Variants in OR2L13 observed in about 807,000 individuals in gnomAD.
The protein encoded by OR2L13 is olfactory receptor family 2 subfamily L member 13.
In OR2L13, 14 loss-of-function variants were observed where a neutral mutation model predicts 15.3. That is an observed-to-expected ratio of 0.91 (90% confidence interval 0.60 to 1.43). OR2L13 has a LOEUF of 1.43. Among genes scored for constraint, OR2L13 ranks in the 40% most tolerant of loss-of-function variants. The probability of loss-of-function intolerance (pLI) is 0.00; values close to 1 mark genes in which losing one functional copy is unlikely to be tolerated. For synonymous variants in OR2L13, 152 were observed against 142.9 expected (o/e 1.06, Z -0.45); for missense variants, 367 against 387.9 (o/e 0.95, Z 0.45).
chr1:248,026,548 A>G, the OR2L13 span, among the ~76,000 whole-genome samples: 1 of 152,214 alleles, frequency 6.6e-6, no homozygotes, highest in Non-Finnish European at 1.5e-5. Context: ...TTTCAGACAC[A>G]AAAAGAAAAA....
chr1:248,010,771 T>G, the OR2L13 span, among the ~76,000 whole-genome samples: 2 of 135,208 alleles, frequency 1.5e-5, no homozygotes, highest in African/African-American at 5.5e-5. Flanking sequence ...TTGTTTTTTT[T>G]TTTTTTTTTT....
chr1:248,003,263 A>T, the OR2L13 span: 4 of 1,573,160 alleles, frequency 2.5e-6, no homozygotes, highest in South Asian at 2.2e-5. Context: ...CCTATCCATG[A>T]TTCTTCTCAT....
At chr1:247,964,129 G>A in the OR2L13 span, among the ~76,000 whole-genome samples, 942 of 152,272 alleles carry the variant, frequency 6.2e-3, 10 homozygotes, top group Non-Finnish European at 0.01. Context: ...TGTAAACAGT[G>A]TACATTAATT....
the OR2L13 span, among the ~76,000 whole-genome samples, chr1:248,085,285 A>G: frequency 2.0e-5 from 3 of 151,782 alleles, no homozygotes; most frequent in African/African-American, 4.8e-5. Context: ...AGCACTCGAC[A>G]TGGCATTAAA....
the OR2L13 span, among the ~76,000 whole-genome samples, chr1:247,947,102 C>T: frequency 5.3e-5 from 8 of 151,970 alleles, no homozygotes; most frequent in East Asian, 1.9e-4. Context: ...TTGAAACTTC[C>T]GCTTAATATT....
the OR2L13 span, among the ~76,000 whole-genome samples, chr1:247,940,708 T>G: frequency 7.1e-6 from 1 of 141,162 alleles, no homozygotes; most frequent in South Asian, 2.4e-4. Context: ...TAGAATGATT[T>G]TGTGTGTGTG....
At chr1:247,961,457 A>T in the OR2L13 span, among the ~76,000 whole-genome samples, 1 of 152,198 alleles carries the variant, frequency 6.6e-6, no homozygotes, top group Non-Finnish European at 1.5e-5. Flanking sequence ...GTAATCTACA[A>T]GCCTGTTTGT....
At chr1:248,099,947 C>T (rs532314392) in exon 3 of OR2L13, 3 of 1,614,058 alleles carry the variant, frequency 1.9e-6, no homozygotes, top group African/African-American at 2.7e-5. Flanking sequence ...TGTACAGATA[C>T]TTGGGTCTAT....
At chr1:248,004,185 A>G in the OR2L13 span, 1 of 799,980 alleles carries the variant, frequency 1.3e-6, no homozygotes, top group South Asian at 2.9e-5. Flanking sequence ...CAACAGAAGA[A>G]AAAAAAATCA....
chr1:248,094,028 ATAATT>A (rs1451503307), upstream of OR2L13, among the ~76,000 whole-genome samples: 1 of 152,174 alleles, frequency 6.6e-6, no homozygotes, highest in African/African-American at 2.4e-5. Context: ...ATAGTTAACA[ATAATT>A]TATTGTATAT....
the OR2L13 span, among the ~76,000 whole-genome samples, chr1:248,014,436 A>C: frequency 6.6e-6 from 1 of 152,146 alleles, no homozygotes; most frequent in Non-Finnish European, 1.5e-5. Context: ...AATTTGTGAC[A>C]AATTGTAGTG....
At chr1:247,997,714 C>T in the OR2L13 span, among the ~76,000 whole-genome samples, 7 of 152,132 alleles carry the variant, frequency 4.6e-5, no homozygotes, top group African/African-American at 1.4e-4. Flanking sequence ...CTGAGTTTAC[C>T]CTTGACATGC....
the OR2L13 span, among the ~76,000 whole-genome samples, chr1:248,089,060 C>T: frequency 2.6e-5 from 4 of 152,032 alleles, no homozygotes; most frequent in Non-Finnish European, 5.9e-5. Context: ...CTTCAGATGC[C>T]AGTCTCAAGT....
chr1:247,940,749 TGTGTGTGC>T, the OR2L13 span, among the ~76,000 whole-genome samples: 12 of 150,810 alleles, frequency 8.0e-5, no homozygotes, highest in Admixed American at 2.0e-4. Flanking sequence ...TGTGTGTGTG[TGTGTGTGC>T]GCGCGCTAAG....
At chr1:248,085,918 C>T in the OR2L13 span, among the ~76,000 whole-genome samples, 3 of 152,054 alleles carry the variant, frequency 2.0e-5, no homozygotes, top group African/African-American at 4.8e-5. Flanking sequence ...GCTGATCTGA[C>T]GGAGGCAGAA....
the OR2L13 span, among the ~76,000 whole-genome samples, chr1:248,073,435 A>G: frequency 2.2e-4 from 33 of 150,882 alleles, no homozygotes; most frequent in East Asian, 5.1e-3. Flanking sequence ...TTAAGAATAC[A>G]TGGACATAGG....
the OR2L13 span, among the ~76,000 whole-genome samples, chr1:247,978,343 G>T: frequency 6.6e-6 from 1 of 152,154 alleles, no homozygotes; most frequent in Non-Finnish European, 1.5e-5. Flanking sequence ...GAACCCGTGG[G>T]CGTGTAACAA....
the OR2L13 span, among the ~76,000 whole-genome samples, chr1:248,044,799 A>G: frequency 5.8e-5 from 8 of 136,936 alleles, 1 homozygote; most frequent in Non-Finnish European, 1.3e-4. Context: ...GACAGAGCGA[A>G]ACTCCGTCTC....
chr1:247,950,997 A>G, the OR2L13 span, among the ~76,000 whole-genome samples: 3 of 152,184 alleles, frequency 2.0e-5, no homozygotes, highest in African/African-American at 7.2e-5. Context: ...ATCATTACAC[A>G]TTGTACGTGT....
Sources: gnomAD v4.1 joint callset for allele counts (sites outside exome capture counted in the v4.1 genomes callset) on GRCh38, gnomAD v4.1.1 for gene constraint, MANE v1.5 for transcripts, NCBI Gene and HGNC (gene_info 2026-07-23, HGNC 2026-07-21) for gene names.